TENM4: variants seen among roughly 807,000 people sequenced by gnomAD.
The protein encoded by TENM4 is teneurin transmembrane protein 4.
A neutral mutation model predicts 243.3 loss-of-function variants in TENM4; 82 were observed. The observed-to-expected ratio is 0.34, with a 90% CI of 0.28 to 0.40. TENM4 has a LOEUF of 0.40. TENM4 is among the 10% of genes least tolerant of loss of function. The pLI is 1.00. For missense variants in TENM4, 3,138 were observed against 3,673.3 expected, an observed-to-expected ratio of 0.85 and a Z score of 3.77; for synonymous variants, 1,412 against 1,456.3, an observed-to-expected ratio of 0.97 and a Z score of 0.69.
chr11:79,139,777 A>AATATATATATTTATATAAATATAAT (rs1231182496), intron 4 of TENM4, among the ~76,000 whole-genome samples: 1 of 26,796 alleles, frequency 3.7e-5, no homozygotes, highest in African/African-American at 2.2e-4. Flanking sequence ...ATAAATATAT[A>AATATATATATTTATATAAATATAAT]ATATATATTA....
chr11:79,094,454 C>T (rs186660933), intron 4 of TENM4, among the ~76,000 whole-genome samples: 11 of 152,228 alleles, frequency 7.2e-5, no homozygotes, highest in East Asian at 1.9e-4. Flanking sequence ...GATCTGACTC[C>T]GAGCCCATAT....
In TENM4 at chr11:78,743,543, C is replaced by T. The variant is rs185730756; in HGVS notation, c.2757-4973G>A. On this transcript the variant is annotated intron_variant, in intron 19 of 33. Transcript: ENST00000278550. ...GTTAGAGAACTTTGAGCTACTTGAC[C>T]TTGACAGGGATATGGTTAGAGAACC... Among the ~76,000 whole-genome samples the T allele has an allele frequency of 8.7e-4, 133 of 152,218 alleles. No homozygotes were observed. In the Middle Eastern group the frequency reaches 0.017, roughly 19 times the overall value.
In TENM4 at chr11:78,815,385, C is replaced by CAA. The variant is rs11349058; in HGVS notation, c.1682-992_1682-991dup. Among the ~76,000 whole-genome samples, 626 of 145,220 alleles carry CAA rather than the reference C, an allele frequency of 4.3e-3. 6 individuals carry two copies. The highest frequency in any genetic ancestry group is 0.015 in the African/African-American group (597 of 39,152). On this transcript the variant is annotated intron_variant, in intron 12 of 33. Coordinates refer to ENST00000278550, the MANE Select transcript of TENM4 (RefSeq NM_001098816.3). The stretch of plus-strand genomic sequence containing the variant: ...TGGGCAACAGAGTGAGACTGTGTCT[C>CAA]AAAAAAAAAAAAAGTTTTCTTTCCT...
At chr11:79,423,411 T>C (rs1243115230) in intron 1 of TENM4, among the ~76,000 whole-genome samples, 1 of 151,958 alleles carries the variant, frequency 6.6e-6, no homozygotes, top group Non-Finnish European at 1.5e-5. Flanking sequence ...ACTCGTAGCC[T>C]GTGCTTTCTC....
chr11:79,040,194 T>C (rs1455331362), intron 6 of TENM4, among the ~76,000 whole-genome samples: 2 of 152,220 alleles, frequency 1.3e-5, no homozygotes, highest in Non-Finnish European at 2.9e-5. Flanking sequence ...GAAGTAACTT[T>C]GTCTCTGAGC....
At chr11:78,765,467 TC>T (rs2135979403) in intron 18 of TENM4, among the ~76,000 whole-genome samples, 1 of 152,290 alleles carries the variant, frequency 6.6e-6, no homozygotes, top group South Asian at 2.1e-4. Context: ...TCCTGAAATT[TC>T]TCCTTCTAGG....
chr11:79,192,446 C>A (rs1260597074), intron 3 of TENM4, among the ~76,000 whole-genome samples: 1 of 152,154 alleles, frequency 6.6e-6, no homozygotes, highest in Non-Finnish European at 1.5e-5. Flanking sequence ...GCCTTGGGAT[C>A]CTGTTGATCT....
At chr11:79,232,813 A>C (rs1864396097) in intron 2 of TENM4, among the ~76,000 whole-genome samples, 1 of 152,202 alleles carries the variant, frequency 6.6e-6, no homozygotes, top group Non-Finnish European at 1.5e-5. Context: ...ATCTGGTTGG[A>C]GGTTGGAACC....
Position 78,670,170 on chromosome 11 carries a change from G to A in TENM4, c.6175C>T (p.Gln2059Ter). Reference sequence around the variant, plus strand: ...TGTCGGTCAATCAGGGGCCCAATCTGACGGTAGCGGATGGTGCAGGTGAAG... The same window carrying A: ...TGTCGGTCAATCAGGGGCCCAATCTAACGGTAGCGGATGGTGCAGGTGAAG... ...EGFTCTIRYR[Q>*]IGPLIDRQIF... Residue 2059 changes from glutamine (Q) to a stop codon, truncating the protein, a stop_gained, in exon 32 of 34, where the codon CAG becomes TAG. Transcript: ENST00000278550. LOFTEE classifies it high-confidence loss of function. 6.2e-7 allele frequency: 1 copy of A among 1,613,962 alleles called. No homozygotes were observed. The highest frequency in any genetic ancestry group is 8.5e-7 in the Non-Finnish European group (1 of 1,179,898).
At chr11:78,732,767 T>G (rs901223283) in intron 20 of TENM4, among the ~76,000 whole-genome samples, 190 bp from the exon 21 acceptor site, 8 of 152,220 alleles carry the variant, frequency 5.3e-5, no homozygotes, top group Non-Finnish European at 1.2e-4. Context: ...AGCAGTTTTT[T>G]TTTACCCCAT....
intron 3 of TENM4, among the ~76,000 whole-genome samples, chr11:79,187,148 G>A (rs891781499): frequency 6.6e-6 from 1 of 152,058 alleles, no homozygotes; most frequent in African/African-American, 2.4e-5. Context: ...GGGTTAATAT[G>A]TTTTTGCTGT....
intron 2 of TENM4, among the ~76,000 whole-genome samples, chr11:79,240,608 T>A (rs1006255960): frequency 1.3e-5 from 2 of 152,184 alleles, no homozygotes; most frequent in Non-Finnish European, 2.9e-5. Context: ...CTAGTAACCA[T>A]TTACTGGTAA....
At chr11:78,811,157 G>A (rs1299877589) in intron 14 of TENM4, among the ~76,000 whole-genome samples, 2 of 152,174 alleles carry the variant, frequency 1.3e-5, no homozygotes, top group African/African-American at 4.8e-5. Context: ...ATAGACAAGG[G>A]AACTGAGGCT....
intron 18 of TENM4, among the ~76,000 whole-genome samples, chr11:78,763,242 AAC>A (rs1385661966): frequency 6.6e-6 from 1 of 152,200 alleles, no homozygotes; most frequent in Non-Finnish European, 1.5e-5. Context: ...CATAGTTCTA[AAC>A]ACACACCCCC....
chr11:78,857,115 C>A (rs905453827), intron 10 of TENM4, among the ~76,000 whole-genome samples: 2 of 152,192 alleles, frequency 1.3e-5, no homozygotes, highest in Non-Finnish European at 1.5e-5. Flanking sequence ...CAGACATCAG[C>A]CTCCTGAAGA....
chr11:79,389,288 T>A (rs993111898), intron 1 of TENM4, among the ~76,000 whole-genome samples: 2 of 152,224 alleles, frequency 1.3e-5, no homozygotes, highest in African/African-American at 4.8e-5. Flanking sequence ...CCTGAGTAGC[T>A]GAGATTATAG....
At chr11:78,961,530 C>G (rs1444700922) in intron 6 of TENM4, among the ~76,000 whole-genome samples, 1 of 152,206 alleles carries the variant, frequency 6.6e-6, no homozygotes, top group Non-Finnish European at 1.5e-5. Flanking sequence ...ATGCTTAAAC[C>G]CAGTGGCTCT....
At chr11:78,873,717 C>T (rs1859194785) in intron 9 of TENM4, among the ~76,000 whole-genome samples, 1 of 152,212 alleles carries the variant, frequency 6.6e-6, no homozygotes, top group African/African-American at 2.4e-5. Flanking sequence ...AAAATAGACA[C>T]TTGACATGGT....
intron 10 of TENM4, among the ~76,000 whole-genome samples, chr11:78,862,202 T>C (rs911173290): frequency 6.6e-6 from 1 of 152,130 alleles, no homozygotes. Flanking sequence ...CTTATGGAGA[T>C]AGCGAGAGCC....
Sources: gnomAD v4.1 joint callset for allele counts (sites outside exome capture counted in the v4.1 genomes callset) on GRCh38, gnomAD v4.1.1 for gene constraint, MANE v1.5 for transcripts, NCBI Gene and HGNC (gene_info 2026-07-23, HGNC 2026-07-21) for gene names.